The following CACNB2 variants were observed in gnomAD, a reference collection of about 807,000 sequenced individuals.
The protein encoded by CACNB2 is calcium voltage-gated channel auxiliary subunit beta 2.
CACNB2 carries 42 observed loss-of-function variants against 73.3 expected under a neutral mutation model. That is an observed-to-expected ratio of 0.57 (90% CI 0.45 to 0.74). The LOEUF is 0.74. Ranked by LOEUF, CACNB2 falls within the 30% of genes least tolerant of loss-of-function variation. CACNB2 has a pLI of 0.00. For missense variants in CACNB2, 940 were observed against 853.0 expected, an observed-to-expected ratio of 1.10 and a Z score of -1.27; for synonymous variants, 348 against 310.3, an observed-to-expected ratio of 1.12 and a Z score of -1.28.
chr10:18,342,274 A>G (rs992656228), intron 2 of CACNB2, among the ~76,000 whole-genome samples: 1 of 152,206 alleles, frequency 6.6e-6, no homozygotes, highest in African/African-American at 2.4e-5. Flanking sequence ...ATTTTCAGCA[A>G]CAAAACTGGT....
intron 2 of CACNB2, among the ~76,000 whole-genome samples, chr10:18,195,307 C>G (rs1246475635): frequency 1.3e-5 from 2 of 152,152 alleles, no homozygotes; most frequent in East Asian, 3.8e-4. Flanking sequence ...AACGGAAGCG[C>G]CCAGCACTAT....
intron 2 of CACNB2, among the ~76,000 whole-genome samples, chr10:18,353,507 C>G (rs974760803): frequency 3.9e-5 from 6 of 152,104 alleles, no homozygotes; most frequent in African/African-American, 7.2e-5. Context: ...CTCTTTTTAA[C>G]TCTGTAACTT....
chr10:18,248,571 C>A (rs769358471), intron 2 of CACNB2, among the ~76,000 whole-genome samples: 6 of 152,222 alleles, frequency 3.9e-5, no homozygotes, highest in Non-Finnish European at 8.8e-5. Flanking sequence ...TTCTTTGTCA[C>A]TATGTAGCTC....
At chr10:18,331,047 G>A (rs1469302424) in intron 2 of CACNB2, among the ~76,000 whole-genome samples, 2 of 149,162 alleles carry the variant, frequency 1.3e-5, no homozygotes, top group Non-Finnish European at 3.0e-5. Flanking sequence ...GTGCAATGGC[G>A]CGATCTTGGC....
chr10:18,438,521 G>A (rs922995798), intron 3 of CACNB2, among the ~76,000 whole-genome samples: 1 of 152,112 alleles, frequency 6.6e-6, no homozygotes, highest in African/African-American at 2.4e-5. Flanking sequence ...GCAGCCTCGC[G>A]GTCCCTCACC....
chr10:18,358,381 C>T (rs978853553), intron 2 of CACNB2, among the ~76,000 whole-genome samples: 7 of 152,196 alleles, frequency 4.6e-5, no homozygotes, highest in African/African-American at 1.2e-4. Flanking sequence ...AGCCACCATG[C>T]CTGGCCCATC....
At chr10:18,498,875 G>T (rs1464944468) in intron 4 of CACNB2, 5 of 223,914 alleles carry the variant, frequency 2.2e-5, no homozygotes, top group South Asian at 6.4e-5. Flanking sequence ...TCTTCTCTCT[G>T]CTGACAGTGT....
intron 2 of CACNB2, among the ~76,000 whole-genome samples, chr10:18,227,860 C>A (rs1220463220): frequency 1.3e-5 from 2 of 152,122 alleles, no homozygotes; most frequent in Non-Finnish European, 2.9e-5. Context: ...TGGACTGGGG[C>A]TCATCAGAAG....
intron 2 of CACNB2, among the ~76,000 whole-genome samples, chr10:18,278,689 T>A (rs948477446): frequency 2.6e-5 from 4 of 152,118 alleles, no homozygotes; most frequent in African/African-American, 9.7e-5. Flanking sequence ...TTTCACAGCC[T>A]ATTTTGGGCC....
chr10:18,487,086 G>A (rs1443523761), intron 3 of CACNB2, among the ~76,000 whole-genome samples: 3 of 152,100 alleles, frequency 2.0e-5, no homozygotes, highest in Non-Finnish European at 4.4e-5. Context: ...GAGATTGTTC[G>A]GACCAGGTGT....
intron 2 of CACNB2, among the ~76,000 whole-genome samples, chr10:18,318,432 C>T (rs940092363): frequency 1.3e-5 from 2 of 152,176 alleles, no homozygotes; most frequent in Non-Finnish European, 2.9e-5. Flanking sequence ...ATGCAGAAAA[C>T]TGAAACAGGA....
intron 2 of CACNB2, among the ~76,000 whole-genome samples, chr10:18,310,840 C>T (rs983748568): frequency 1.3e-5 from 2 of 151,798 alleles, no homozygotes; most frequent in African/African-American, 4.8e-5. Flanking sequence ...ACCTTGTCCT[C>T]CCAAAGTGCT....
intron 13 of CACNB2, among the ~76,000 whole-genome samples, chr10:18,538,981 C>CTT (rs11419902): frequency 3.6e-4 from 53 of 146,400 alleles, no homozygotes; most frequent in African/African-American, 8.8e-4. Flanking sequence ...CCTGCTGCTG[C>CTT]TTTTTTTTTT....
At chr10:18,296,795 C>T (rs1271276828) in intron 2 of CACNB2, among the ~76,000 whole-genome samples, 1 of 152,188 alleles carries the variant, frequency 6.6e-6, no homozygotes, top group East Asian at 1.9e-4. Flanking sequence ...ATTATTTTCT[C>T]ATACAACATC....
chr10:18,186,744 A>G (rs1279947022), intron 2 of CACNB2, among the ~76,000 whole-genome samples: 1 of 152,174 alleles, frequency 6.6e-6, no homozygotes, highest in Non-Finnish European at 1.5e-5. Flanking sequence ...ATCCACCCCC[A>G]TGATCCAGTC....
chr10:18,157,467 T>A (rs2032143457), intron 2 of CACNB2, among the ~76,000 whole-genome samples: 1 of 152,250 alleles, frequency 6.6e-6, no homozygotes, highest in East Asian at 1.9e-4. Context: ...TATGCATTAT[T>A]TAAGGGTTTA....
chr10:18,265,933 G>T (rs2037777938), intron 2 of CACNB2, among the ~76,000 whole-genome samples: 1 of 152,126 alleles, frequency 6.6e-6, no homozygotes, highest in Non-Finnish European at 1.5e-5. Flanking sequence ...TAAATGACTA[G>T]ATACTGGAAG....
chr10:18,296,666 C>A (rs2039292296), intron 2 of CACNB2, among the ~76,000 whole-genome samples: 1 of 152,128 alleles, frequency 6.6e-6, no homozygotes, highest in African/African-American at 2.4e-5. Context: ...TTTTAAAAAT[C>A]AAAGTTCAAA....
chr10:18,152,234 C>T (rs574273495), intron 2 of CACNB2, among the ~76,000 whole-genome samples: 4 of 152,284 alleles, frequency 2.6e-5, no homozygotes, highest in African/African-American at 9.6e-5. Flanking sequence ...CCGCTTGCAA[C>T]ATTTGAGTAT....
Sources: allele counts gnomAD v4.1 joint callset (sites outside exome capture counted in the v4.1 genomes callset), GRCh38; gene constraint gnomAD v4.1.1; transcripts MANE v1.5; gene names NCBI Gene and HGNC (gene_info 2026-07-23, HGNC 2026-07-21).